ASTN2: variants seen among roughly 807,000 people sequenced by gnomAD.
The protein encoded by ASTN2 is astrotactin-2.
Under a neutral mutation model 139.8 loss-of-function variants are expected in ASTN2, and 54 were observed. The ratio of observed to expected loss-of-function variants is 0.39; its 90% CI spans 0.31 to 0.48. The LOEUF is 0.48. Among genes scored for constraint, ASTN2 ranks in the 20% least tolerant of loss-of-function variants. ASTN2 has a pLI of 0.95. For synonymous variants in ASTN2, 756 were observed against 719.5 expected (o/e 1.05, Z -0.81); for missense variants, 1,565 against 1,725.1 (o/e 0.91, Z 1.64).
chr9:116,974,134 T>C (rs1836283692), intron 10 of ASTN2, among the ~76,000 whole-genome samples: 3 of 152,160 alleles, frequency 2.0e-5, no homozygotes, highest in African/African-American at 7.2e-5. Context: ...GTTTTAGAAG[T>C]AAAACTACTC....
intron 19 of ASTN2, chr9:116,611,993 A>G (rs1433871029): frequency 1.3e-5 from 2 of 152,196 alleles, no homozygotes; most frequent in Non-Finnish European, 2.9e-5. Flanking sequence ...TAAATCTCAC[A>G]TAGTAGGTTG....
chr9:116,849,451 C>G (rs1832530329), intron 11 of ASTN2, among the ~76,000 whole-genome samples: 1 of 152,136 alleles, frequency 6.6e-6, no homozygotes, highest in Non-Finnish European at 1.5e-5. Context: ...TTAATGATAA[C>G]AAGAATTTTA....
chr9:116,954,022 T>C (rs2132491205), intron 10 of ASTN2, among the ~76,000 whole-genome samples: 1 of 152,272 alleles, frequency 6.6e-6, no homozygotes, highest in South Asian at 2.1e-4. Context: ...CTTGGTTTTC[T>C]TATCTTTTTT....
chr9:117,127,118 A>G (rs1418513058), intron 4 of ASTN2, among the ~76,000 whole-genome samples: 1 of 152,204 alleles, frequency 6.6e-6, no homozygotes, highest in Non-Finnish European at 1.5e-5. Context: ...GAATGAGGCC[A>G]AAGAGTCTAT....
rs1196774797 is a variant in ASTN2 at position 117,069,911 on chromosome 9, G to A, written c.1276+26133C>T. Among the ~76,000 whole-genome samples, 9 of 60,160 alleles carry A rather than the reference G, an allele frequency of 1.5e-4. 2 individuals carry two copies. In the East Asian group the frequency reaches 4.3e-3, roughly 28 times the overall value. 39.5% of individuals were successfully genotyped at this position (60,160 alleles called of 152,430 possible). On this transcript the variant is annotated intron_variant, in intron 5 of 22. Transcript: ENST00000313400. ...TTTGAGCCTATGTGTGTCTCTGCAT[G>A]TGAGATGGGTTTCCTGAATACAGCA...
At chr9:116,550,405 C>T (rs1852289759) in intron 19 of ASTN2, among the ~76,000 whole-genome samples, 1 of 152,052 alleles carries the variant, frequency 6.6e-6, no homozygotes, top group African/African-American at 2.4e-5. Context: ...AACATAGTGC[C>T]AGCTTTAAAA....
chr9:117,109,864 C>G (rs1436735981), intron 4 of ASTN2, among the ~76,000 whole-genome samples: 4 of 152,154 alleles, frequency 2.6e-5, no homozygotes, highest in African/African-American at 9.7e-5. Context: ...AATTGTTTCA[C>G]CTTTTTGGCC....
chr9:116,778,004 A>C (rs1410435157), intron 13 of ASTN2, among the ~76,000 whole-genome samples: 1 of 152,008 alleles, frequency 6.6e-6, no homozygotes, highest in South Asian at 2.1e-4. Context: ...CACCACACCC[A>C]GCTAATTTTT....
chr9:116,468,086 G>A (rs534857761), intron 20 of ASTN2, among the ~76,000 whole-genome samples: 2 of 152,278 alleles, frequency 1.3e-5, no homozygotes, highest in Non-Finnish European at 2.9e-5. Context: ...ACATGAAGCC[G>A]TGAATGACAC....
intron 5 of ASTN2, among the ~76,000 whole-genome samples, chr9:117,078,171 G>C (rs1828330215): frequency 6.6e-6 from 1 of 152,142 alleles, no homozygotes; most frequent in South Asian, 2.1e-4. Context: ...ATATCCTGTA[G>C]AGCATCAGAG....
chr9:116,445,730 T>C (rs986842936), intron 20 of ASTN2, among the ~76,000 whole-genome samples: 7 of 152,160 alleles, frequency 4.6e-5, no homozygotes, highest in African/African-American at 1.4e-4. Flanking sequence ...ACCTGTAAAA[T>C]AGGGTGAAAT....
At chr9:116,985,400 A>G (rs1308939327) in intron 7 of ASTN2, among the ~76,000 whole-genome samples, 2 of 152,182 alleles carry the variant, frequency 1.3e-5, no homozygotes, top group Non-Finnish European at 2.9e-5. Flanking sequence ...TCAACGCTAC[A>G]TGGGGGCTAA....
At chr9:116,987,378 A>C (rs1482194273) in intron 7 of ASTN2, among the ~76,000 whole-genome samples, 1 of 152,222 alleles carries the variant, frequency 6.6e-6, no homozygotes, top group African/African-American at 2.4e-5. Context: ...CAGGCTGCTG[A>C]GAGGCTGCCA....
At chr9:117,293,129 T>G (rs2152254) in intron 1 of ASTN2, among the ~76,000 whole-genome samples, 67,424 of 151,850 alleles carry the variant, frequency 0.44, 15,296 homozygotes, top group East Asian at 0.57. Context: ...CCATGAGCCA[T>G]CCTTGACAGC....
rs1291901097 is a variant in ASTN2, at chr9:117,205,524, C to T, written c.1015+8834G>A. 2.0e-5 allele frequency among the ~76,000 whole-genome samples: 3 copies of T among 152,114 alleles called. No individual in the cohort carries two copies. In the East Asian group the frequency reaches 5.8e-4, roughly 29 times the overall value. ...TCCAGATGACTTCAAAATCTATACT[C>T]TCATCTACATTATCACTCTACTTTC... On this transcript the variant is annotated intron_variant, in intron 3 of 22. Transcript: ENST00000313400.
At chr9:117,236,458 T>C (rs1194724518) in intron 2 of ASTN2, among the ~76,000 whole-genome samples, 1 of 152,054 alleles carries the variant, frequency 6.6e-6, no homozygotes, top group Non-Finnish European at 1.5e-5. Context: ...GGAAACTTGT[T>C]CAAAAAAAAT....
intron 13 of ASTN2, among the ~76,000 whole-genome samples, chr9:116,742,681 G>A (rs997022218): frequency 1.3e-5 from 2 of 152,044 alleles, no homozygotes; most frequent in Admixed American, 1.3e-4. Flanking sequence ...CTTGAATTTG[G>A]AGCCACCCAT....
At chr9:117,410,030 A>G (rs12683528) in intron 1 of ASTN2, among the ~76,000 whole-genome samples, 11,672 of 152,248 alleles carry the variant, frequency 0.077, 756 homozygotes, top group East Asian at 0.18. Context: ...AACACAGACT[A>G]ATGAATAGCT....
At chr9:117,388,910 T>C (rs187651299) in intron 1 of ASTN2, among the ~76,000 whole-genome samples, 3 of 152,312 alleles carry the variant, frequency 2.0e-5, no homozygotes, top group Non-Finnish European at 2.9e-5. Flanking sequence ...TCACTCCTCA[T>C]TGACCATAAA....
Sources: allele counts gnomAD v4.1 joint callset (sites outside exome capture counted in the v4.1 genomes callset), GRCh38; gene constraint gnomAD v4.1.1; transcripts MANE v1.5; gene names NCBI Gene and HGNC (gene_info 2026-07-23, HGNC 2026-07-21).